Variants in PCDHGA7 observed in about 807,000 individuals in gnomAD.
The protein encoded by PCDHGA7 is protocadherin gamma subfamily A, 7.
Under a neutral mutation model 58.3 loss-of-function variants are expected in PCDHGA7, and 44 were observed. That is an observed-to-expected ratio of 0.75 (90% CI 0.59 to 0.97). PCDHGA7 has a LOEUF of 0.97. Ranked by LOEUF, PCDHGA7 falls within the 50% of genes least tolerant of loss-of-function variation. The pLI, the probability that PCDHGA7 is intolerant of heterozygous loss-of-function variation, is 0.00. For synonymous variants in PCDHGA7, 516 were observed against 504.2 expected, an observed-to-expected ratio of 1.02 and a Z score of -0.31; for missense variants, 1,266 against 1,188.7, an observed-to-expected ratio of 1.06 and a Z score of -0.96.
At chr5:141,415,165 C>T (rs1410806560) in intron 1 of PCDHGA7, 10 of 1,613,746 alleles carry the variant, frequency 6.2e-6, no homozygotes, top group Non-Finnish European at 8.5e-6. Context: ...CACTGTCACG[C>T]TCACCGTGGC....
chr5:141,505,468 G>A lies in PCDHGA7; in HGVS notation c.2559G>A (p.Leu853=). 1 of 1,614,212 alleles carries A rather than the reference G, an allele frequency of 6.2e-7. No homozygotes were observed. Among genetic ancestry groups the A allele is most frequent in the Non-Finnish European group, 8.5e-7 (1 of 1,180,020 alleles). The change falls in exon 3 of 4, where the codon TTG becomes TTA. Residue 853 remains leucine (L), a synonymous_variant. Coordinates refer to ENST00000518325, the MANE Select transcript of PCDHGA7 (RefSeq NM_018920.4). The stretch of plus-strand genomic sequence containing the variant: ...CAGAGATGCTGCAAGCCATGATCTT[G>A]GCGTCCGCCAGTGGTAAGTGGTGTC... The part of the protein sequence containing the change: ...FDTEMLQAMI[L]ASASEAADGS...
chr5:141,486,653 C>G lies in PCDHGA7; in HGVS notation c.2425-8154C>G. On this transcript the variant is annotated intron_variant, in intron 1 of 3. Transcript: ENST00000518325. This position sits in a 1 kb window ranked among gnomAD's most constrained non-coding sequence, Gnocchi z 5.0. ...CTTGAATGCGCTTATCTCCTACTCA[C>G]TCCTGGAGCCCAGGAATCGAGATGT... is the stretch of plus-strand genomic sequence containing the variant. 1 of 1,613,968 alleles carries G rather than the reference C, an allele frequency of 6.2e-7. No individual in the cohort carries two copies. Among genetic ancestry groups the G allele is most frequent in the Non-Finnish European group, 8.5e-7 (1 of 1,180,034 alleles).
At chr5:141,443,980 T>A (rs2098412674) in intron 1 of PCDHGA7, among the ~76,000 whole-genome samples, 1 of 152,036 alleles carries the variant, frequency 6.6e-6, no homozygotes, top group South Asian at 2.1e-4. Context: ...CTAAGCTATG[T>A]TAATTTTATT....
intron 1 of PCDHGA7, among the ~76,000 whole-genome samples, chr5:141,455,769 C>T (rs1371335785): frequency 2.6e-5 from 4 of 152,014 alleles, no homozygotes; most frequent in Admixed American, 2.6e-4. Flanking sequence ...AGAGCCGGGG[C>T]TTTAAAAGAA....
At chr5:141,393,088 G>A in intron 1 of PCDHGA7, 3 of 1,613,648 alleles carry the variant, frequency 1.9e-6, no homozygotes, top group Non-Finnish European at 2.5e-6. Context: ...AGGATAGATC[G>A]GGAGGAGCTC....
At chr5:141,393,297 G>T (rs376887343) in intron 1 of PCDHGA7, 3 of 1,613,934 alleles carry the variant, frequency 1.9e-6, no homozygotes, top group Non-Finnish European at 1.7e-6. Context: ...TGACCCGGAT[G>T]TGGGCGTGAA....
intron 1 of PCDHGA7, among the ~76,000 whole-genome samples, chr5:141,473,775 T>A (rs1219791398): frequency 6.6e-6 from 1 of 152,190 alleles, no homozygotes; most frequent in African/African-American, 2.4e-5. Flanking sequence ...ATTTGGTATT[T>A]TAATTCAAGA....
chr5:141,397,816 A>G (rs1403683863), intron 1 of PCDHGA7, among the ~76,000 whole-genome samples: 2 of 152,230 alleles, frequency 1.3e-5, no homozygotes, highest in African/African-American at 4.8e-5. Context: ...CACAAAAACA[A>G]TTACTGCACT....
chr5:141,497,509 C>T (rs1282025317), intron 2 of PCDHGA7, among the ~76,000 whole-genome samples: 1 of 151,184 alleles, frequency 6.6e-6, no homozygotes, highest in Non-Finnish European at 1.5e-5. Flanking sequence ...CTCTCTGCTT[C>T]CTTAGTTAAC....
Position 141,404,841 on chromosome 5 carries a change from G to A in PCDHGA7, c.2424+19518G>A, listed in dbSNP as rs765291212. The stretch of plus-strand genomic sequence containing the variant: ...CACACAGGTGAAGTGCGCACAGCTC[G>A]GGCCCTGCTAGATAGAGATGCGCTC... On this transcript the variant is annotated intron_variant, in intron 1 of 3. Coordinates refer to ENST00000518325, the MANE Select transcript of PCDHGA7 (RefSeq NM_018920.4). 1.1e-5 allele frequency: 17 copies of A among 1,613,886 alleles called. No individual in the cohort carries two copies. Among genetic ancestry groups the A allele is most frequent in the Non-Finnish European group, 1.4e-5 (16 of 1,179,920 alleles).
intron 1 of PCDHGA7, among the ~76,000 whole-genome samples, chr5:141,449,586 C>T (rs2098645911): frequency 1.6e-5 from 2 of 125,482 alleles, no homozygotes; most frequent in East Asian, 2.3e-4. Context: ...AAGACTCTGT[C>T]TCAAAAAAAA....
chr5:141,423,201 C>G, intron 1 of PCDHGA7: 1 of 1,613,628 alleles, frequency 6.2e-7, no homozygotes, highest in Non-Finnish European at 8.5e-7. Context: ...TCTCGGCCAC[C>G]GTCACGCTCA....
At chr5:141,449,261 G>A (rs148515123) in intron 1 of PCDHGA7, among the ~76,000 whole-genome samples, 101 of 152,156 alleles carry the variant, frequency 6.6e-4, no homozygotes, top group Non-Finnish European at 1.3e-3. Flanking sequence ...ATTGTACAAA[G>A]AACTGTATCT....
chr5:141,455,047 C>T (rs2098811276), intron 1 of PCDHGA7, among the ~76,000 whole-genome samples: 1 of 150,004 alleles, frequency 6.7e-6, no homozygotes, highest in African/African-American at 2.5e-5. Context: ...CTCCTGACCT[C>T]GTGATCCGCC....
At chr5:141,425,827 T>C (rs2096896512) in intron 1 of PCDHGA7, among the ~76,000 whole-genome samples, 1 of 152,226 alleles carries the variant, frequency 6.6e-6, no homozygotes, top group South Asian at 2.1e-4. Context: ...AAACAAACTT[T>C]TAAATTCTCT....
intron 1 of PCDHGA7, chr5:141,413,581 A>T: frequency 1.9e-6 from 3 of 1,613,920 alleles, no homozygotes; most frequent in Non-Finnish European, 2.5e-6. Context: ...CAATGCTCCA[A>T]AATTCCAAGC....
In PCDHGA7 at chr5:141,483,740, A is replaced by T. The variant is rs2099586227; in HGVS notation, c.2425-11067A>T. Among the ~76,000 whole-genome samples, 4 of 152,148 alleles carry T rather than the reference A, an allele frequency of 2.6e-5. No homozygotes were observed. The South Asian group carries it at 8.3e-4, about 32-fold the overall frequency. ...TGGTTCCCACCATAGTCAAAAGGATATTCCTGAGGATCGAGGCTTGGAAAA... is the reference window on the plus strand; with the variant it reads ...TGGTTCCCACCATAGTCAAAAGGATTTTCCTGAGGATCGAGGCTTGGAAAA... On this transcript the variant is annotated intron_variant, in intron 1 of 3. Transcript: ENST00000518325.
At position 141,491,518 on chromosome 5, in the gene PCDHGA7, A is replaced by G. The variant is rs756813813; in HGVS notation, c.2425-3289A>G. 3 of 1,613,990 alleles carry G rather than the reference A, an allele frequency of 1.9e-6. No individual in the cohort carries two copies. The highest frequency in any genetic ancestry group is 3.3e-5 in the Admixed American group (2 of 60,028). ...GAGCTCGGACGGCACGCTCAAGTAC[A>G]TGGAGGTGACGCTGCGGCCCACAGA... On this transcript the variant is annotated intron_variant, in intron 1 of 3. Transcript: ENST00000518325. This position sits in a 1 kb window ranked among gnomAD's most constrained non-coding sequence, Gnocchi z 6.9.
chr5:141,418,391 T>G, intron 1 of PCDHGA7: 1 of 1,614,010 alleles, frequency 6.2e-7, no homozygotes, highest in Non-Finnish European at 8.5e-7. Context: ...TAACGAGTAT[T>G]TCTCATTGGT....
Sources: gnomAD v4.1 joint callset for allele counts (sites outside exome capture counted in the v4.1 genomes callset) on GRCh38, gnomAD v4.1.1 for gene constraint, Gnocchi (gnomAD v3.1) non-coding constraint, MANE v1.5 for transcripts, NCBI Gene and HGNC (gene_info 2026-07-23, HGNC 2026-07-21) for gene names.